The following STIM2 variants were observed in gnomAD, a reference collection of about 807,000 sequenced individuals.
STIM2 encodes the protein stromal interaction molecule 2.
A neutral mutation model predicts 85.8 loss-of-function variants in STIM2; 31 were observed. That is an observed-to-expected ratio of 0.36 (90% CI 0.27 to 0.49). The LOEUF (loss-of-function observed/expected upper bound fraction) is 0.49. Among genes scored for constraint, STIM2 ranks in the 20% least tolerant of loss-of-function variants. The pLI, the probability that STIM2 is intolerant of heterozygous loss-of-function variation, is 0.98. For missense variants in STIM2, 841 were observed against 927.6 expected, an observed-to-expected ratio of 0.91 and a Z score of 1.21; for synonymous variants, 356 against 331.1, an observed-to-expected ratio of 1.08 and a Z score of -0.82.
At chr4:26,993,373 C>G (rs1204978709) in intron 3 of STIM2, among the ~76,000 whole-genome samples, 1 of 152,044 alleles carries the variant, frequency 6.6e-6, no homozygotes, top group African/African-American at 2.4e-5. Context: ...GGCTTTGTTT[C>G]AATATAAAAC....
At chr4:26,920,587 T>C (rs1008428054) in intron 2 of STIM2, among the ~76,000 whole-genome samples, 3 of 152,204 alleles carry the variant, frequency 2.0e-5, no homozygotes, top group East Asian at 1.9e-4. Flanking sequence ...ATTTTCTACA[T>C]TATTATCTCG....
chr4:26,933,344 G>A (rs990904884), intron 2 of STIM2, among the ~76,000 whole-genome samples: 5 of 152,158 alleles, frequency 3.3e-5, no homozygotes, highest in African/African-American at 1.2e-4. Context: ...TGGATTTTTA[G>A]ATATAGAAGT....
intron 3 of STIM2, among the ~76,000 whole-genome samples, chr4:26,973,825 A>T (rs1727072625): frequency 1.3e-5 from 2 of 152,140 alleles, no homozygotes; most frequent in African/African-American, 4.8e-5. Flanking sequence ...TCTGTCTGAT[A>T]TTGACAGTGG....
At chr4:26,909,272 C>G (rs779339314) in intron 1 of STIM2, among the ~76,000 whole-genome samples, 4 of 152,170 alleles carry the variant, frequency 2.6e-5, no homozygotes, top group African/African-American at 7.2e-5. Context: ...GTGCCATACT[C>G]TGTTAGGTGT....
At chr4:26,884,831 G>A (rs1401723346) in intron 1 of STIM2, among the ~76,000 whole-genome samples, 1 of 152,176 alleles carries the variant, frequency 6.6e-6, no homozygotes, top group East Asian at 1.9e-4. Flanking sequence ...TATCTTATAG[G>A]TAATGTAACG....
chr4:26,967,800 C>G (rs1726780273), intron 3 of STIM2, among the ~76,000 whole-genome samples: 2 of 152,090 alleles, frequency 1.3e-5, no homozygotes, highest in Admixed American at 6.6e-5. Flanking sequence ...TGATTTCTTC[C>G]CTCCACTTTC....
At chr4:26,920,887 G>A (rs994450326) in intron 2 of STIM2, among the ~76,000 whole-genome samples, 2 of 152,066 alleles carry the variant, frequency 1.3e-5, no homozygotes, top group African/African-American at 2.4e-5. Flanking sequence ...CCTATTTCTC[G>A]ATTCTTCTTC....
At chr4:27,020,506 C>A (rs1426152984) in intron 11 of STIM2, among the ~76,000 whole-genome samples, 1 of 152,138 alleles carries the variant, frequency 6.6e-6, no homozygotes, top group East Asian at 1.9e-4. Context: ...TATGTGAAAC[C>A]ATTAGGTCGT....
chr4:26,873,478 C>G (rs1184205944), intron 1 of STIM2: 1 of 306,458 alleles, frequency 3.3e-6, no homozygotes, highest in Non-Finnish European at 6.4e-6. Flanking sequence ...CTAGATGTGG[C>G]CAGAGCAGGG....
chr4:26,949,734 A>G (rs1212247103), intron 2 of STIM2, among the ~76,000 whole-genome samples: 1 of 152,126 alleles, frequency 6.6e-6, no homozygotes, highest in African/African-American at 2.4e-5. Context: ...AGGTGCTCAC[A>G]GTTTAATGTG....
chr4:26,951,035 T>C (rs1726029602), intron 2 of STIM2, among the ~76,000 whole-genome samples: 1 of 152,184 alleles, frequency 6.6e-6, no homozygotes, highest in Non-Finnish European at 1.5e-5. Context: ...TGTAAGCTTT[T>C]CTTTTTTATT....
intron 1 of STIM2, among the ~76,000 whole-genome samples, chr4:26,895,800 TATC>T (rs1028249449): frequency 6.6e-6 from 1 of 152,240 alleles, no homozygotes; most frequent in Admixed American, 6.5e-5. Context: ...ATTTTTGGCT[TATC>T]TACTACCTCA....
chr4:26,867,223 C>G (rs925507831), intron 1 of STIM2, among the ~76,000 whole-genome samples: 12 of 152,076 alleles, frequency 7.9e-5, no homozygotes, highest in Non-Finnish European at 1.3e-4. Flanking sequence ...ATTAAGCATA[C>G]AGAATTTATA....
chr4:26,886,226 C>T (rs1000959991), intron 1 of STIM2, among the ~76,000 whole-genome samples: 2 of 152,002 alleles, frequency 1.3e-5, no homozygotes, highest in African/African-American at 4.8e-5. Flanking sequence ...GGAGCATATT[C>T]ATATAACTGA....
chr4:26,887,038 T>C (rs1165015395), intron 1 of STIM2, among the ~76,000 whole-genome samples: 1 of 152,136 alleles, frequency 6.6e-6, no homozygotes, highest in Non-Finnish European at 1.5e-5. Flanking sequence ...AAGTTCATTG[T>C]TATATGAACT....
intron 1 of STIM2, among the ~76,000 whole-genome samples, chr4:26,915,723 G>A (rs1724551653): frequency 6.6e-6 from 1 of 152,224 alleles, no homozygotes; most frequent in Non-Finnish European, 1.5e-5. Flanking sequence ...GCAAAGTGCT[G>A]CTGTTAATCC....
intron 4 of STIM2, among the ~76,000 whole-genome samples, chr4:26,997,563 T>G (rs1728004859): frequency 1.3e-5 from 2 of 152,226 alleles, no homozygotes; most frequent in Admixed American, 1.3e-4. Context: ...TCGCATAAAA[T>G]TTTGTTATGT....
intron 3 of STIM2, among the ~76,000 whole-genome samples, chr4:26,980,119 TGGGTTCAGTGTTTAGTGTAGACTAAA>T (rs1727329818): frequency 6.6e-6 from 1 of 152,130 alleles, no homozygotes; most frequent in African/African-American, 2.4e-5. Flanking sequence ...AAATGGCAAA[TGGGTTCAGTGTTTAGTGTAGACTAAA>T]GGCATGTATA....
intron 1 of STIM2, among the ~76,000 whole-genome samples, chr4:26,911,845 T>A (rs1280920457): frequency 6.6e-6 from 1 of 152,226 alleles, no homozygotes; most frequent in African/African-American, 2.4e-5. Flanking sequence ...ATTTATGCAT[T>A]ACTCTTTTTG....
Sources: allele counts gnomAD v4.1 joint callset (sites outside exome capture counted in the v4.1 genomes callset), GRCh38; gene constraint gnomAD v4.1.1; transcripts MANE v1.5; gene names NCBI Gene and HGNC (gene_info 2026-07-23, HGNC 2026-07-21).